Variants in PNPT1 observed in about 807,000 individuals in gnomAD.
PNPT1 encodes polyribonucleotide nucleotidyltransferase 1, mitochondrial.
PNPT1 carries 53 observed loss-of-function variants against 119.5 expected under a neutral mutation model. The ratio of observed to expected loss-of-function variants is 0.44; its 90% CI spans 0.36 to 0.56. The LOEUF is 0.56. Among genes scored for constraint, PNPT1 ranks in the 20% least tolerant of loss-of-function variants. The pLI is 0.00. For missense variants in PNPT1, 948 were observed against 938.5 expected (o/e 1.01, Z -0.13); for synonymous variants, 357 against 322.1 (o/e 1.11, Z -1.16).
intron 1 of PNPT1, among the ~76,000 whole-genome samples, chr2:55,688,760 CAACAACAAA>C (rs1401940067): frequency 5.3e-5 from 8 of 150,276 alleles, no homozygotes; most frequent in Non-Finnish European, 8.9e-5. Flanking sequence ...ACAACAACAA[CAACAACAAA>C]AAACTTTAGA....
At chr2:55,670,055 G>A (rs1321950310) in intron 11 of PNPT1, among the ~76,000 whole-genome samples, 1 of 151,778 alleles carries the variant, frequency 6.6e-6, no homozygotes, top group Admixed American at 6.6e-5. Flanking sequence ...CACCACGCCT[G>A]GCCAGTTTTT....
chr2:55,639,595 T>C (rs1294427587), intron 26 of PNPT1, among the ~76,000 whole-genome samples: 8 of 152,224 alleles, frequency 5.3e-5, no homozygotes, highest in Non-Finnish European at 8.8e-5. Flanking sequence ...TCATGTTCTT[T>C]ACTTATTTTT....
intron 5 of PNPT1, among the ~76,000 whole-genome samples, chr2:55,681,843 T>TG: frequency 4.1e-5 from 1 of 24,170 alleles, no homozygotes; most frequent in East Asian, 4.1e-4. Context: ...AAACTCCATT[T>TG]CAAAAAAAAA....
intron 23 of PNPT1, 46 bp from the exon 24 acceptor site, chr2:55,643,471 A>G: frequency 6.6e-7 from 1 of 1,524,602 alleles, no homozygotes; most frequent in Non-Finnish European, 9.1e-7. Flanking sequence ...TTGGCTGGGC[A>G]TAGTGGGTCA....
In PNPT1 at chr2:55,693,793, G is replaced by C. The variant is rs1697699537; in HGVS notation, c.31C>G (p.Leu11Val). ...CCATCGCTCAGGGGCCGGAGCCGGA[G>C]GCACGAGCAGCAGTACCTGCAGGCC... is the stretch of plus-strand genomic sequence containing the variant. MAACRYCCSCLRLRPLSDGPF... is the reference protein window; with the variant it reads MAACRYCCSCVRLRPLSDGPF... The change falls in exon 1 of 28, where the codon CTC becomes GTC. Residue 11 changes from leucine (L) to valine (V), a missense_variant. Coordinates refer to ENST00000447944, the MANE Select transcript of PNPT1 (RefSeq NM_033109.5). The C allele has an allele frequency of 1.2e-6, 2 of 1,613,974 alleles. No homozygotes were observed. Among genetic ancestry groups the C allele is most frequent in the Non-Finnish European group, 1.7e-6 (2 of 1,180,040 alleles).
chr2:55,640,345 G>A (rs1695797936), intron 26 of PNPT1, among the ~76,000 whole-genome samples: 1 of 152,072 alleles, frequency 6.6e-6, no homozygotes, highest in Non-Finnish European at 1.5e-5. Flanking sequence ...GTACACACTG[G>A]GTTTCACCAT....
chr2:55,642,584 T>C (rs1695866394), intron 25 of PNPT1, among the ~76,000 whole-genome samples: 2 of 118,774 alleles, frequency 1.7e-5, no homozygotes, highest in Non-Finnish European at 3.2e-5. Context: ...CCAGCCTGGG[T>C]GACAGAGCGA....
chr2:55,660,091 G>A, intron 15 of PNPT1, 66 bp downstream of exon 15: 3 of 1,452,958 alleles, frequency 2.1e-6, no homozygotes, highest in Non-Finnish European at 2.8e-6. Context: ...ACAACAGGGT[G>A]AGACCTCGTC....
At chr2:55,664,390 C>A (rs1193178561) in intron 13 of PNPT1, among the ~76,000 whole-genome samples, 1 of 152,006 alleles carries the variant, frequency 6.6e-6, no homozygotes, top group Non-Finnish European at 1.5e-5. Context: ...CTGCGGGAGC[C>A]CGGGAATTCA....
intron 3 of PNPT1, among the ~76,000 whole-genome samples, chr2:55,685,371 A>C (rs188761867): frequency 7.9e-5 from 12 of 152,270 alleles, no homozygotes; most frequent in Admixed American, 2.0e-4. Flanking sequence ...CCCCCAACAA[A>C]AAAAAAATTA....
intron 25 of PNPT1, 84 bp from the exon 26 acceptor site, chr2:55,640,789 G>A: frequency 2.1e-6 from 2 of 964,976 alleles, no homozygotes; most frequent in Non-Finnish European, 3.1e-6. Flanking sequence ...TTTCATATGA[G>A]GAAAAAGTAA....
At chr2:55,673,346 AAAAG>A (rs1249389484) in intron 8 of PNPT1, among the ~76,000 whole-genome samples, 1 of 152,190 alleles carries the variant, frequency 6.6e-6, no homozygotes, top group African/African-American at 2.4e-5. Flanking sequence ...ACAGAAAAAA[AAAAG>A]AAATCATGCA....
intron 1 of PNPT1, among the ~76,000 whole-genome samples, chr2:55,690,548 C>T (rs1339429500): frequency 1.3e-5 from 2 of 152,270 alleles, no homozygotes; most frequent in East Asian, 1.9e-4. Flanking sequence ...ATACCTTTGC[C>T]AGAAGCCTGA....
At chr2:55,668,010 G>C in intron 11 of PNPT1, 52 bp from the exon 12 acceptor site, 1 of 1,464,106 alleles carries the variant, frequency 6.8e-7, no homozygotes, top group Non-Finnish European at 9.2e-7. Flanking sequence ...TTAGGAGATA[G>C]GATTTCTCTA....
At chr2:55,687,529 C>A (rs1697451754) in intron 2 of PNPT1, 116 bp downstream of exon 2, 1 of 727,340 alleles carries the variant, frequency 1.4e-6, no homozygotes, top group Non-Finnish European at 2.3e-6. Context: ...TTAGTAGTAT[C>A]TGAATTAATT....
At chr2:55,680,237 G>A (rs535069386) in intron 7 of PNPT1, among the ~76,000 whole-genome samples, 32 of 152,204 alleles carry the variant, frequency 2.1e-4, no homozygotes, top group African/African-American at 7.5e-4. Flanking sequence ...GTAATTATCT[G>A]TCTCCTTTAT....
intron 18 of PNPT1, 24 bp from the exon 19 acceptor site, chr2:55,647,477 T>C (rs755492909): frequency 1.9e-6 from 3 of 1,546,626 alleles, no homozygotes; most frequent in East Asian, 4.5e-5. Context: ...AAAGAACAAC[T>C]GTGGGTAATG....
chr2:55,674,978 T>G (rs1240036657), intron 8 of PNPT1, among the ~76,000 whole-genome samples: 1 of 152,200 alleles, frequency 6.6e-6, no homozygotes, highest in Non-Finnish European at 1.5e-5. Context: ...ATAAAATATG[T>G]GGCCAGGTGT....
At chr2:55,645,184 C>T (rs1026560427) in intron 22 of PNPT1, 165 bp downstream of exon 22, 69 of 439,070 alleles carry the variant, frequency 1.6e-4, no homozygotes, top group Admixed American at 1.1e-3. Flanking sequence ...CCACCACGCC[C>T]GGCTAATTTT....
Sources: allele counts gnomAD v4.1 joint callset (sites outside exome capture counted in the v4.1 genomes callset), GRCh38; gene constraint gnomAD v4.1.1; transcripts MANE v1.5; gene names NCBI Gene and HGNC (gene_info 2026-07-23, HGNC 2026-07-21).